The following DMXL2 variants were observed in gnomAD, a reference collection of about 807,000 sequenced individuals.
DMXL2 encodes the protein dmX-like protein 2.
Under a neutral mutation model 331.1 loss-of-function variants are expected in DMXL2, and 103 were observed. The observed-to-expected ratio is 0.31, with a 90% confidence interval of 0.27 to 0.37. The LOEUF (loss-of-function observed/expected upper bound fraction) is 0.37, where lower values mean the gene tolerates loss of function less well. Among genes scored for constraint, DMXL2 ranks in the 10% least tolerant of loss-of-function variants. DMXL2 has a pLI of 1.00. For missense variants in DMXL2, 3,171 were observed against 3,642.9 expected, an observed-to-expected ratio of 0.87 and a Z score of 3.33; for synonymous variants, 1,281 against 1,252.1, an observed-to-expected ratio of 1.02 and a Z score of -0.49.
chr15:51,516,177 C>T (rs1263361424), intron 14 of DMXL2, among the ~76,000 whole-genome samples: 4 of 152,174 alleles, frequency 2.6e-5, no homozygotes, highest in African/African-American at 9.7e-5. Flanking sequence ...CTTTACCAAA[C>T]TAATCCTTTT....
chr15:51,616,334 T>C (rs1433708183), intron 1 of DMXL2, among the ~76,000 whole-genome samples: 1 of 151,028 alleles, frequency 6.6e-6, no homozygotes, highest in Non-Finnish European at 1.5e-5. Flanking sequence ...GATTTGAGAG[T>C]AAAACTTGCA....
chr15:51,590,588 G>A (rs1269211694), intron 1 of DMXL2, among the ~76,000 whole-genome samples: 3 of 151,764 alleles, frequency 2.0e-5, no homozygotes, highest in Non-Finnish European at 2.9e-5. Flanking sequence ...TTAAGAGATG[G>A]GGTCTCAATA....
At chr15:51,611,191 TTAAA>T (rs1395877773) in intron 1 of DMXL2, among the ~76,000 whole-genome samples, 2 of 152,044 alleles carry the variant, frequency 1.3e-5, no homozygotes, top group Non-Finnish European at 1.5e-5. Flanking sequence ...AGTGGGTTCT[TTAAA>T]AAAGATTAAT....
rs1218431023 is a variant in DMXL2 at position 51,544,674 on chromosome 15, AATAT to A, written c.930+905_930+908del. The stretch of plus-strand genomic sequence containing the variant: ...ATGCAACCTTTAAACTGTCAATGTA[AATAT>A]ATAATGTAAAAGTATAGTCAATAAT... On this transcript the variant is annotated intron_variant, in intron 8 of 43. Transcript: ENST00000560891. 9.2e-5 allele frequency among the ~76,000 whole-genome samples: 14 copies of A among 152,272 alleles called. No individual in the cohort carries two copies. The South Asian group carries it at 2.7e-3, about 29-fold the overall frequency.
chr15:51,565,242 T>A, intron 3 of DMXL2, 76 bp from the exon 4 acceptor site: 1 of 880,152 alleles, frequency 1.1e-6, no homozygotes, highest in South Asian at 1.9e-5. Context: ...ACACTACCAT[T>A]TTATCATTTT....
intron 1 of DMXL2, among the ~76,000 whole-genome samples, chr15:51,587,046 C>A (rs1445383356): frequency 6.6e-6 from 1 of 150,484 alleles, no homozygotes; most frequent in Non-Finnish European, 1.5e-5. Flanking sequence ...TATACAAAAA[C>A]CTACAGTCAC....
chr15:51,460,783 AT>A (rs1378663385), intron 33 of DMXL2, among the ~76,000 whole-genome samples: 2 of 152,128 alleles, frequency 1.3e-5, no homozygotes, highest in African/African-American at 4.8e-5. Context: ...ACGAGTTTTT[AT>A]TTTGTCCTAA....
intron 1 of DMXL2, among the ~76,000 whole-genome samples, chr15:51,616,148 G>C (rs1301809662): frequency 6.6e-6 from 1 of 151,944 alleles, no homozygotes; most frequent in Non-Finnish European, 1.5e-5. Context: ...CATCTAAGAG[G>C]GTATTATTTA....
chr15:51,540,752 A>C (rs1165060379), intron 9 of DMXL2, among the ~76,000 whole-genome samples: 2 of 152,204 alleles, frequency 1.3e-5, no homozygotes, highest in African/African-American at 4.8e-5. Flanking sequence ...AAAATGCATG[A>C]TGTTAAACAT....
chr15:51,510,756 T>C (rs938815271), intron 15 of DMXL2, among the ~76,000 whole-genome samples: 3 of 151,994 alleles, frequency 2.0e-5, no homozygotes, highest in Admixed American at 1.3e-4. Flanking sequence ...GCAAAAAGAA[T>C]AAAGCTTGAG....
intron 6 of DMXL2, among the ~76,000 whole-genome samples, chr15:51,550,367 T>C (rs1413149166): frequency 1.3e-5 from 2 of 152,310 alleles, no homozygotes; most frequent in East Asian, 3.9e-4. Context: ...GCTGCCTTTT[T>C]AATTATAAAT....
chr15:51,593,631 C>A (rs1352330370), intron 1 of DMXL2, among the ~76,000 whole-genome samples: 1 of 152,152 alleles, frequency 6.6e-6, no homozygotes. Context: ...AGCACAACAC[C>A]GCACTTATTC....
chr15:51,513,351 A>G (rs1369224600), intron 15 of DMXL2, among the ~76,000 whole-genome samples: 1 of 152,228 alleles, frequency 6.6e-6, no homozygotes, highest in Non-Finnish European at 1.5e-5. Flanking sequence ...CAAAGGTAAG[A>G]TACTACAGAA....
At chr15:51,604,302 GAA>G (rs912657346) in intron 1 of DMXL2, among the ~76,000 whole-genome samples, 3 of 106,266 alleles carry the variant, frequency 2.8e-5, no homozygotes, top group African/African-American at 6.8e-5. Context: ...CTGCAATAAG[GAA>G]AAAAAAAAAA....
At chr15:51,502,306 T>TGTG (rs2043701330) in intron 17 of DMXL2, among the ~76,000 whole-genome samples, 1 of 140,558 alleles carries the variant, frequency 7.1e-6, no homozygotes, top group Admixed American at 7.1e-5. Context: ...TTTTGTGGGT[T>TGTG]TGTGTGTGTG....
intron 41 of DMXL2, among the ~76,000 whole-genome samples, chr15:51,452,456 ATT>A (rs1389337100): frequency 1.3e-5 from 2 of 152,180 alleles, no homozygotes; most frequent in Non-Finnish European, 2.9e-5. Flanking sequence ...TGAACAGATA[ATT>A]CTCAAAATAC....
intron 16 of DMXL2, among the ~76,000 whole-genome samples, chr15:51,503,448 A>G (rs891334181): frequency 4.6e-5 from 7 of 152,220 alleles, no homozygotes; most frequent in Non-Finnish European, 8.8e-5. Context: ...GCAGGTCAGT[A>G]TGTTAAGTGA....
At chr15:51,546,396 G>A (rs2048891713) in intron 7 of DMXL2, among the ~76,000 whole-genome samples, 2 of 152,166 alleles carry the variant, frequency 1.3e-5, no homozygotes, top group South Asian at 4.2e-4. Flanking sequence ...GATGACTTAA[G>A]CAGAATATAT....
At chr15:51,451,498 T>A (rs950513216) in intron 42 of DMXL2, 147 bp downstream of exon 42, 9 of 645,156 alleles carry the variant, frequency 1.4e-5, no homozygotes, top group Non-Finnish European at 2.1e-5. Flanking sequence ...ACTTTCCAAA[T>A]TTTTAGTCAT....
Sources: allele counts gnomAD v4.1 joint callset (sites outside exome capture counted in the v4.1 genomes callset), GRCh38; gene constraint gnomAD v4.1.1; transcripts MANE v1.5; gene names NCBI Gene and HGNC (gene_info 2026-07-23, HGNC 2026-07-21).